The following PPP2R3B variants were observed in gnomAD, a reference collection of about 807,000 sequenced individuals.
PPP2R3B encodes the protein protein phosphatase 2 regulatory subunit B''beta.
PPP2R3B carries 68 observed loss-of-function variants against 72.9 expected under a neutral mutation model. The observed-to-expected ratio is 0.93, with a 90% confidence interval of 0.77 to 1.14. PPP2R3B has a LOEUF of 1.14. PPP2R3B is among the 50% of genes most tolerant of loss of function. PPP2R3B has a pLI of 0.00. For missense variants in PPP2R3B, 1,018 were observed against 842.0 expected (o/e 1.21, Z -2.59); for synonymous variants, 466 against 375.8 (o/e 1.24, Z -2.78).
At chrX:357,487 TGAAA>T (rs1201785538) in intron 2 of PPP2R3B, among the ~76,000 whole-genome samples, 3 of 152,174 alleles carry the variant, frequency 2.0e-5, no homozygotes, top group Non-Finnish European at 1.5e-5. Flanking sequence ...GCTGCTTTAC[TGAAA>T]GAGATATACG....
intron 2 of PPP2R3B, among the ~76,000 whole-genome samples, chrX:358,983 G>GCGGC (rs1556186259): frequency 6.7e-6 from 1 of 150,034 alleles, no homozygotes; most frequent in Non-Finnish European, 1.5e-5. Context: ...GGGAAGCACC[G>GCGGC]CGGCCGGGGA....
chrX:382,040 G>A (rs7472503), intron 1 of PPP2R3B, among the ~76,000 whole-genome samples: 32,214 of 152,002 alleles, frequency 0.21, 3,980 homozygotes, highest in Non-Finnish European at 0.28. Flanking sequence ...GTCAGTCACT[G>A]CTTTTTGAAA....
chrX:381,966 T>G (rs2072136276), intron 1 of PPP2R3B, among the ~76,000 whole-genome samples: 1 of 152,162 alleles, frequency 6.6e-6, no homozygotes, highest in African/African-American at 2.4e-5. Context: ...GAGATTCAGC[T>G]GAAGTAAGCC....
At chrX:363,541 G>A (rs1422504648) in intron 1 of PPP2R3B, among the ~76,000 whole-genome samples, 4 of 144,760 alleles carry the variant, frequency 2.8e-5, no homozygotes, top group African/African-American at 7.9e-5. Flanking sequence ...ATCTCCCCGA[G>A]CCCGCGATCC....
chrX:341,134 C>A (rs1266749544), intron 9 of PPP2R3B, among the ~76,000 whole-genome samples, 173 bp downstream of exon 9: 3 of 11,306 alleles, frequency 2.7e-4, no homozygotes, highest in African/African-American at 8.9e-4. Context: ...GTGCAGCCCC[C>A]ACCAGGCGTG....
At chrX:348,400 A>C (rs1225732912) in intron 2 of PPP2R3B, among the ~76,000 whole-genome samples, 1 of 151,946 alleles carries the variant, frequency 6.6e-6, no homozygotes, top group Non-Finnish European at 1.5e-5. Context: ...ACATGGTGAA[A>C]CCTCGTCTCT....
intron 2 of PPP2R3B, among the ~76,000 whole-genome samples, chrX:354,153 G>A (rs1331026974): frequency 5.7e-5 from 7 of 123,578 alleles, no homozygotes; most frequent in Admixed American, 4.1e-4. Flanking sequence ...CCCAAACACC[G>A]GGGGCTCACC....
intron 1 of PPP2R3B, among the ~76,000 whole-genome samples, chrX:381,160 C>G (rs965286517): frequency 6.6e-6 from 1 of 152,046 alleles, no homozygotes; most frequent in African/African-American, 2.4e-5. Flanking sequence ...AACTCCTGGC[C>G]TCAAGGGATC....
At chrX:341,244 A>G (rs2071065266) in intron 9 of PPP2R3B, 63 bp downstream of exon 9, 2 of 1,569,610 alleles carry the variant, frequency 1.3e-6, no homozygotes, top group East Asian at 2.3e-5. Context: ...CTGGGGACAC[A>G]TGTCACATGG....
intron 2 of PPP2R3B, among the ~76,000 whole-genome samples, chrX:358,856 T>G (rs1383427719): frequency 3.7e-5 from 4 of 107,520 alleles, no homozygotes; most frequent in South Asian, 3.2e-4. Context: ...AGAAGCACCG[T>G]GGGGATGAAG....
chrX:336,585 A>G (rs1428550819), intron 12 of PPP2R3B: 1 of 152,292 alleles, frequency 6.6e-6, no homozygotes, highest in Non-Finnish European at 1.5e-5. Flanking sequence ...AGAGAGGTGA[A>G]AAGGAAGACG....
rs983744102 is a variant in PPP2R3B, at chrX:386,460, C to CG, written c.231dup (p.Gly78ArgfsTer25). 4.7e-6 allele frequency: 6 copies of CG among 1,286,514 alleles called. No homozygotes were observed. In the African/African-American group the frequency reaches 7.7e-5, roughly 16 times the overall value. 79.7% of individuals were successfully genotyped at this position (1,286,514 alleles called of 1,614,324 possible). ...CCCAGGGGCAGCGCAGGGCCCGGCC[C>CG]GGGGGTTCCCGGGGGTTCGAGCCCG... On this transcript the variant is annotated frameshift_variant, in exon 1 of 13. Transcript: ENST00000390665. LOFTEE classifies it high-confidence loss of function.
At position 340,896 on chromosome X, in the gene PPP2R3B, G is replaced by T. The variant is rs368393129; in HGVS notation, c.1220C>A (p.Ala407Asp). 6.2e-7 allele frequency: 1 copy of T among 1,611,860 alleles called. No individual in the cohort carries two copies. Among genetic ancestry groups the T allele is most frequent in the African/African-American group, 1.3e-5 (1 of 74,886 alleles). ...GTACTCGAGCTCGAACATGGACAGG[G>T]CGCCGTCCCCGTCCAGGTCCATGCA... ...FRCMDLDGDG[A>D]LSMFELEYFY... Residue 407 changes from alanine (A) to aspartate (D), a missense_variant, in exon 10 of 13, where the codon GCC (alanine) becomes GAC (aspartate). Physicochemically the swap from Ala to Asp is moderately radical, Grantham distance 126. Transcript: ENST00000390665.
rs1342436689 is a variant in PPP2R3B at position 342,086 on chromosome X, C to T, written c.1037-155G>A. On this transcript the variant is annotated intron_variant, in intron 7 of 12. Transcript: ENST00000390665. ...GGGGCCCCGATGCCCCTGCACGGCC[C>T]ATCCTAGGGGCCCACCACGCTTTCC... 4.9e-6 allele frequency: 4 copies of T among 808,962 alleles called. No individual in the cohort carries two copies. The East Asian group carries it at 7.4e-5, about 15-fold the overall frequency. The allele number at this position is 808,962 out of a possible 1,614,324, so 50.1% of individuals were successfully genotyped here. A position where few individuals can be genotyped will look rare whatever the true frequency, so the allele number is the denominator to read the frequency against.
rs1240483386 is a variant in PPP2R3B, at chrX:334,311, TGGCCCGGTGGTGGCACGTGGGGAGC to T, written c.*31_*55del. ...ACAACAGTTTTTACACGAGCCGCGGTGGCCCGGTGGTGGCACGTGGGGAGCGGCCCCGCGGCGGCGTTCTCGCGGG... is the reference window on the plus strand; with the variant it reads ...ACAACAGTTTTTACACGAGCCGCGGTGGCCCCGCGGCGGCGTTCTCGCGGG... On this transcript the variant is annotated 3_prime_UTR_variant, in exon 13 of 13. Transcript: ENST00000390665. The T allele has an allele frequency of 2.1e-6, 3 of 1,424,450 alleles. No individual in the cohort carries two copies. The highest frequency in any genetic ancestry group is 2.7e-5 in the East Asian group (1 of 36,888). The allele number at this position is 1,424,450 out of a possible 1,614,324, so 88.2% of individuals were successfully genotyped here.
chrX:375,494 T>G (rs2071970863), intron 1 of PPP2R3B, among the ~76,000 whole-genome samples: 1 of 146,486 alleles, frequency 6.8e-6, no homozygotes, highest in Admixed American at 6.7e-5. Flanking sequence ...TGCGGCCCAG[T>G]AACCCATGAT....
intron 2 of PPP2R3B, 157 bp from the exon 3 acceptor site, chrX:347,850 G>A (rs1569389068): frequency 1.7e-6 from 1 of 591,120 alleles, no homozygotes; most frequent in Non-Finnish European, 2.9e-6. Flanking sequence ...CAAACTCAAC[G>A]TGGCTTTCGC....
chrX:361,301 TCAC>T (rs2071533164), intron 2 of PPP2R3B, 101 bp downstream of exon 2: 3 of 353,054 alleles, frequency 8.5e-6, no homozygotes, highest in African/African-American at 8.4e-5. Context: ...CCGTGCCGCC[TCAC>T]TCACGCTCGT....
intron 11 of PPP2R3B, 30 bp from the exon 12 acceptor site, chrX:338,740 G>T: frequency 6.2e-7 from 1 of 1,611,758 alleles, no homozygotes; most frequent in Non-Finnish European, 8.5e-7. Context: ...TACGTACACG[G>T]CGTGGCGCGG....
Sources: allele counts gnomAD v4.1 joint callset (sites outside exome capture counted in the v4.1 genomes callset), GRCh38; gene constraint gnomAD v4.1.1; transcripts MANE v1.5; gene names NCBI Gene and HGNC (gene_info 2026-07-23, HGNC 2026-07-21).